Variants in TMEM267 observed in about 807,000 individuals in gnomAD.
The protein encoded by TMEM267 is transmembrane protein 267.
A neutral mutation model predicts 19.3 loss-of-function variants in TMEM267; 20 were observed. The ratio of observed to expected loss-of-function variants is 1.04; its 90% confidence interval spans 0.73 to 1.51. TMEM267 has a LOEUF of 1.51. TMEM267 is among the 40% of genes most tolerant of loss of function. The probability of loss-of-function intolerance (pLI) is 0.00; values close to 1 mark genes in which losing one functional copy is unlikely to be tolerated. For missense variants in TMEM267, 242 were observed against 261.9 expected (o/e 0.92, Z 0.52); for synonymous variants, 88 against 90.3 (o/e 0.97, Z 0.15).
chr5:43,470,145 T>C (rs1209185347), intron 1 of TMEM267, among the ~76,000 whole-genome samples: 7 of 152,176 alleles, frequency 4.6e-5, no homozygotes, highest in Non-Finnish European at 1.5e-5. Flanking sequence ...ATCTTTTTTG[T>C]TTTGTTTTGT....
intron 1 of TMEM267, among the ~76,000 whole-genome samples, chr5:43,474,089 C>G (rs1042046573): frequency 6.6e-6 from 1 of 152,182 alleles, no homozygotes; most frequent in Non-Finnish European, 1.5e-5. Context: ...TGGATCCCTT[C>G]CTTACACCTT....
chr5:43,483,941 G>A (rs1198213862), upstream of TMEM267: 2 of 152,228 alleles, frequency 1.3e-5, no homozygotes, highest in African/African-American at 4.8e-5. Context: ...CGGCCGAGAG[G>A]ACGCCGGGAT....
At chr5:43,473,271 G>A (rs1464412247) in intron 1 of TMEM267, among the ~76,000 whole-genome samples, 1 of 151,942 alleles carries the variant, frequency 6.6e-6, no homozygotes, top group African/African-American at 2.4e-5. Flanking sequence ...TCAGGCAAGA[G>A]AAAGAAATAA....
At chr5:43,463,228 G>A (rs1290828365) in intron 1 of TMEM267, among the ~76,000 whole-genome samples, 3 of 152,118 alleles carry the variant, frequency 2.0e-5, no homozygotes, top group Non-Finnish European at 4.4e-5. Context: ...ACCCTCCCAA[G>A]ACTAAACCAA....
intron 1 of TMEM267, among the ~76,000 whole-genome samples, chr5:43,459,794 G>C (rs78748221): frequency 0.022 from 3,313 of 152,224 alleles, 126 homozygotes; most frequent in African/African-American, 0.076. Context: ...ATGAAGCAGT[G>C]GTCCCAGTCC....
At chr5:43,481,833 C>T (rs1313625439) in intron 1 of TMEM267, among the ~76,000 whole-genome samples, 2 of 151,968 alleles carry the variant, frequency 1.3e-5, no homozygotes, top group Non-Finnish European at 2.9e-5. Context: ...TTATTGTCTA[C>T]TGTTTTTTGT....
At chr5:43,449,987 GTT>G (rs1182289505) in intron 2 of TMEM267, among the ~76,000 whole-genome samples, 1 of 142,996 alleles carries the variant, frequency 7.0e-6, no homozygotes. Flanking sequence ...TCAATGTAGC[GTT>G]TTTTTTTTTG....
chr5:43,456,063 G>T (rs576997926), intron 1 of TMEM267, among the ~76,000 whole-genome samples: 1 of 150,820 alleles, frequency 6.6e-6, no homozygotes, highest in South Asian at 2.1e-4. Flanking sequence ...AGCTGGTCTC[G>T]AACTCCTGGC....
chr5:43,468,967 A>G (rs759062421), intron 1 of TMEM267, among the ~76,000 whole-genome samples: 3 of 152,228 alleles, frequency 2.0e-5, no homozygotes, highest in Non-Finnish European at 4.4e-5. Context: ...ATTCTCCTGA[A>G]TGACCAGTGG....
chr5:43,476,037 G>T (rs1003884999), intron 1 of TMEM267: 6 of 152,136 alleles, frequency 3.9e-5, no homozygotes, highest in Admixed American at 1.3e-4. Flanking sequence ...AATGAAGCAA[G>T]TCATATTTTT....
At chr5:43,460,076 C>T (rs1290896443) in intron 1 of TMEM267, among the ~76,000 whole-genome samples, 2 of 152,164 alleles carry the variant, frequency 1.3e-5, no homozygotes, top group Non-Finnish European at 2.9e-5. Flanking sequence ...ATAAGAAGCA[C>T]GTGACCTAGA....
intron 1 of TMEM267, among the ~76,000 whole-genome samples, chr5:43,463,467 C>T (rs1041914163): frequency 4.6e-5 from 7 of 152,134 alleles, no homozygotes; most frequent in Admixed American, 2.0e-4. Context: ...GATACCAAAG[C>T]CTGGCAGAGA....
At chr5:43,471,773 A>T (rs1412685749) in intron 1 of TMEM267, among the ~76,000 whole-genome samples, 1 of 152,220 alleles carries the variant, frequency 6.6e-6, no homozygotes, top group African/African-American at 2.4e-5. Context: ...CCTATCTCAC[A>T]CCATATACAA....
At chr5:43,482,382 T>C (rs1044751948) in intron 1 of TMEM267, among the ~76,000 whole-genome samples, 6 of 152,330 alleles carry the variant, frequency 3.9e-5, no homozygotes, top group South Asian at 4.1e-4. Context: ...TGTCTCTGAA[T>C]AATACACCTA....
chr5:43,470,607 G>A (rs934586671), intron 1 of TMEM267, among the ~76,000 whole-genome samples: 2 of 152,184 alleles, frequency 1.3e-5, no homozygotes, highest in African/African-American at 2.4e-5. Context: ...CTGATTGAGA[G>A]CTGTCTCAGA....
chr5:43,473,897 G>T (rs1744237247), intron 1 of TMEM267, among the ~76,000 whole-genome samples: 1 of 152,146 alleles, frequency 6.6e-6, no homozygotes, highest in African/African-American at 2.4e-5. Context: ...AAACAGCATG[G>T]TACTGGTACC....
intron 1 of TMEM267, chr5:43,454,722 TC>T (rs1045587884): frequency 1.3e-5 from 2 of 152,046 alleles, no homozygotes; most frequent in Non-Finnish European, 2.9e-5. Context: ...ATCTTGCAGC[TC>T]CCCCTCCACT....
chr5:43,482,229 G>A (rs1466171225), intron 1 of TMEM267, among the ~76,000 whole-genome samples: 1 of 151,368 alleles, frequency 6.6e-6, no homozygotes, highest in Non-Finnish European at 1.5e-5. Flanking sequence ...CTATTTTTAA[G>A]GAAGGTATAA....
intron 1 of TMEM267, among the ~76,000 whole-genome samples, chr5:43,473,513 CA>C (rs1744214407): frequency 6.6e-6 from 1 of 152,082 alleles, no homozygotes; most frequent in Non-Finnish European, 1.5e-5. Context: ...ACAATTGCTA[CA>C]AGGAGAATAA....
Sources: allele counts gnomAD v4.1 joint callset (sites outside exome capture counted in the v4.1 genomes callset), GRCh38; gene constraint gnomAD v4.1.1; transcripts MANE v1.5; gene names NCBI Gene and HGNC (gene_info 2026-07-23, HGNC 2026-07-21).